The following SPAG17 variants were observed in gnomAD, a reference collection of about 807,000 sequenced individuals.
SPAG17 encodes sperm-associated antigen 17.
A neutral mutation model predicts 273.6 loss-of-function variants in SPAG17; 169 were observed. The ratio of observed to expected loss-of-function variants is 0.62; its 90% CI spans 0.55 to 0.70. The LOEUF (loss-of-function observed/expected upper bound fraction) is 0.70. Ranked by LOEUF, SPAG17 falls within the 30% of genes least tolerant of loss-of-function variation. The pLI, the probability that SPAG17 is intolerant of heterozygous loss-of-function variation, is 0.00. For synonymous variants in SPAG17, 825 were observed against 873.2 expected (o/e 0.94, Z 0.97); for missense variants, 2,557 against 2,627.8 (o/e 0.97, Z 0.59).
chr1:118,081,059 AC>A lies in SPAG17; in HGVS notation c.2209+41del, dbSNP rs767371182. The A allele has an allele frequency of 1.2e-4, 9 of 72,104 alleles. No homozygotes were observed. In the East Asian group the frequency reaches 4.0e-3, roughly 32 times the overall value. 4.5% of individuals were successfully genotyped at this position (72,104 alleles called of 1,614,324 possible). ...TTTATGTGTACTATAATAGTGTCTT[AC>A]ACACACACACACACACACACACACA... On this transcript the variant is annotated intron_variant, in intron 15 of 48. Transcript: ENST00000336338.
chr1:118,180,457 G>A lies in SPAG17; in HGVS notation c.87+4614C>T, dbSNP rs141689786. Among the ~76,000 whole-genome samples the A allele has an allele frequency of 1.2e-3, 186 of 152,124 alleles. 1 individual carries two copies. The highest frequency in any genetic ancestry group is 3.6e-3 in the African/African-American group (151 of 41,538). On this transcript the variant is annotated intron_variant, in intron 1 of 48. Coordinates refer to ENST00000336338, the MANE Select transcript of SPAG17 (RefSeq NM_206996.4). ...GGCTGGGAAAAGTAGCGAAGCCAGG[G>A]CATAGAGTTTGCTTAATGGGTACAA...
intron 10 of SPAG17, among the ~76,000 whole-genome samples, chr1:118,089,188 G>C (rs188541752): frequency 1.3e-5 from 2 of 152,310 alleles, no homozygotes; most frequent in East Asian, 3.9e-4. Context: ...CAGGTGGTCA[G>C]AGAAGGCCTC....
At chr1:118,013,658 C>G (rs1024482645) in intron 29 of SPAG17, among the ~76,000 whole-genome samples, 1 of 152,024 alleles carries the variant, frequency 6.6e-6, no homozygotes, top group Non-Finnish European at 1.5e-5. Flanking sequence ...ACTTGGCCAT[C>G]ATGTTAGTAA....
chr1:117,986,988 A>G (rs1326851166), intron 40 of SPAG17, among the ~76,000 whole-genome samples: 1 of 152,210 alleles, frequency 6.6e-6, no homozygotes, highest in Non-Finnish European at 1.5e-5. Flanking sequence ...ACACAGATGC[A>G]CAGAGAGGAA....
chr1:118,074,759 C>T (rs527675823), intron 15 of SPAG17, among the ~76,000 whole-genome samples, 159 bp from the exon 16 acceptor site: 3 of 152,310 alleles, frequency 2.0e-5, no homozygotes, highest in African/African-American at 7.2e-5. Flanking sequence ...GTGTTTGTGT[C>T]CATAATTCTA....
intron 43 of SPAG17, among the ~76,000 whole-genome samples, chr1:117,975,960 A>G (rs1180014993): frequency 6.6e-6 from 1 of 152,224 alleles, no homozygotes; most frequent in Non-Finnish European, 1.5e-5. Flanking sequence ...TAAGCATTTT[A>G]CATACATTAA....
intron 18 of SPAG17, among the ~76,000 whole-genome samples, chr1:118,061,219 T>C (rs1652258571): frequency 6.6e-6 from 1 of 152,072 alleles, no homozygotes; most frequent in Admixed American, 6.5e-5. Context: ...GCAAAAAAAA[T>C]TGAAATCAGC....
intron 28 of SPAG17, among the ~76,000 whole-genome samples, chr1:118,021,800 G>C (rs1175650694): frequency 6.6e-6 from 1 of 152,148 alleles, no homozygotes; most frequent in East Asian, 1.9e-4. Flanking sequence ...TCCAGAACCA[G>C]GGTAGGCTCT....
chr1:118,050,985 A>T (rs1234786927), intron 20 of SPAG17, among the ~76,000 whole-genome samples: 1 of 152,178 alleles, frequency 6.6e-6, no homozygotes, highest in African/African-American at 2.4e-5. Context: ...ATATTTGAAA[A>T]CCTGCAACTG....
At chr1:117,999,134 C>G (rs983176982) in intron 32 of SPAG17, among the ~76,000 whole-genome samples, 3 of 152,164 alleles carry the variant, frequency 2.0e-5, no homozygotes, top group African/African-American at 7.2e-5. Context: ...CCAGTTTCAT[C>G]CATGTCCCTC....
intron 4 of SPAG17, among the ~76,000 whole-genome samples, chr1:118,110,032 C>T (rs961808107): frequency 1.3e-5 from 2 of 152,146 alleles, no homozygotes; most frequent in African/African-American, 4.8e-5. Flanking sequence ...GGCCATAGGG[C>T]TCACTTTGAA....
At chr1:118,049,912 C>T (rs1454196114) in intron 20 of SPAG17, among the ~76,000 whole-genome samples, 1 of 152,156 alleles carries the variant, frequency 6.6e-6, no homozygotes, top group Non-Finnish European at 1.5e-5. Flanking sequence ...GGGAAGGAGG[C>T]ATCTCCCAAT....
chr1:118,007,589 C>T (rs991258813), intron 31 of SPAG17, among the ~76,000 whole-genome samples: 41 of 152,116 alleles, frequency 2.7e-4, no homozygotes, highest in Admixed American at 2.0e-3. Context: ...CCTCCAGGGA[C>T]CACACACACC....
At chr1:117,959,019 T>TAC in intron 48 of SPAG17, 1 of 1,611,866 alleles carries the variant, frequency 6.2e-7, no homozygotes, top group Non-Finnish European at 8.5e-7. Flanking sequence ...TGTCTTTGTA[T>TAC]AGAGATAAAA....
chr1:118,160,826 T>C (rs753186857), intron 1 of SPAG17, among the ~76,000 whole-genome samples: 7 of 152,160 alleles, frequency 4.6e-5, no homozygotes, highest in South Asian at 4.1e-4. Flanking sequence ...CTTCAAATGA[T>C]AGGGTGAGAA....
At chr1:118,065,073 G>A (rs1652815716) in intron 18 of SPAG17, among the ~76,000 whole-genome samples, 1 of 151,960 alleles carries the variant, frequency 6.6e-6, no homozygotes, top group Admixed American at 6.6e-5. Flanking sequence ...GCAAACCTTT[G>A]GCAAGTTTGA....
At chr1:118,146,943 T>C (rs908848426) in intron 3 of SPAG17, among the ~76,000 whole-genome samples, 1 of 152,164 alleles carries the variant, frequency 6.6e-6, no homozygotes, top group African/African-American at 2.4e-5. Context: ...TCCACAAAAA[T>C]GTCTCTGGGT....
chr1:118,120,258 A>C (rs2102269990), intron 3 of SPAG17, among the ~76,000 whole-genome samples: 1 of 151,298 alleles, frequency 6.6e-6, no homozygotes, highest in African/African-American at 2.4e-5. Flanking sequence ...GTGACTATTG[A>C]GTACTTTAAT....
At chr1:118,153,159 C>A (rs1659481118) in intron 1 of SPAG17, among the ~76,000 whole-genome samples, 1 of 152,174 alleles carries the variant, frequency 6.6e-6, no homozygotes, top group African/African-American at 2.4e-5. Context: ...GGTGTCAAGG[C>A]AGGTGTTGAC....
Sources: gnomAD v4.1 joint callset for allele counts (sites outside exome capture counted in the v4.1 genomes callset) on GRCh38, gnomAD v4.1.1 for gene constraint, MANE v1.5 for transcripts, NCBI Gene and HGNC (gene_info 2026-07-23, HGNC 2026-07-21) for gene names.